Variants in NRXN3 observed in about 807,000 individuals in gnomAD.
NRXN3 encodes neurexin 3, also known as neurexin III.
A neutral mutation model predicts 137.6 loss-of-function variants in NRXN3; 32 were observed. That is an observed-to-expected ratio of 0.23 (90% confidence interval 0.18 to 0.31). The LOEUF (loss-of-function observed/expected upper bound fraction) is 0.31. Ranked by LOEUF, NRXN3 falls within the 10% of genes least tolerant of loss-of-function variation. NRXN3 has a pLI of 1.00. For missense variants in NRXN3, 1,574 were observed against 2,062.5 expected (o/e 0.76, Z 4.59); for synonymous variants, 798 against 784.5 (o/e 1.02, Z -0.29).
At chr14:78,282,113 A>T in intron 3 of NRXN3, 1 of 500,318 alleles carries the variant, frequency 2.0e-6, no homozygotes, top group Non-Finnish European at 4.0e-6. Flanking sequence ...ATCCAAGGCC[A>T]TGTTACCCAT....
At chr14:78,943,680 C>G (rs774712144) in intron 10 of NRXN3, among the ~76,000 whole-genome samples, 1 of 70,168 alleles carries the variant, frequency 1.4e-5, no homozygotes, top group African/African-American at 4.7e-5. Context: ...ATATATATAT[C>G]TCAAAGAATC....
At chr14:78,845,622 G>A (rs2099024427) in intron 10 of NRXN3, among the ~76,000 whole-genome samples, 3 of 151,964 alleles carry the variant, frequency 2.0e-5, no homozygotes, top group Admixed American at 2.0e-4. Context: ...TAAAGTTGAT[G>A]TGTAGGTGAC....
At chr14:79,300,121 T>A (rs1486048037) in intron 15 of NRXN3, among the ~76,000 whole-genome samples, 2 of 152,050 alleles carry the variant, frequency 1.3e-5, no homozygotes, top group Non-Finnish European at 2.9e-5. Flanking sequence ...TTACATGTGT[T>A]GTCTCATATG....
intron 15 of NRXN3, among the ~76,000 whole-genome samples, chr14:79,043,440 G>C (rs1199003107): frequency 1.3e-5 from 2 of 152,192 alleles, no homozygotes; most frequent in Non-Finnish European, 2.9e-5. Flanking sequence ...GAAGCAGTTT[G>C]CACTCTGCCT....
chr14:79,249,966 T>A (rs2075711724), intron 15 of NRXN3, among the ~76,000 whole-genome samples: 1 of 152,226 alleles, frequency 6.6e-6, no homozygotes, highest in African/African-American at 2.4e-5. Flanking sequence ...TGCTAACATA[T>A]CTGGTTATTA....
At chr14:78,309,319 T>G (rs1028372358) in intron 4 of NRXN3, among the ~76,000 whole-genome samples, 1 of 151,784 alleles carries the variant, frequency 6.6e-6, no homozygotes, top group Non-Finnish European at 1.5e-5. Flanking sequence ...TTTCTTTAGG[T>G]TTGGGATATA....
At chr14:79,786,899 A>G (rs539493370) in intron 19 of NRXN3, among the ~76,000 whole-genome samples, 2 of 152,222 alleles carry the variant, frequency 1.3e-5, no homozygotes, top group Non-Finnish European at 2.9e-5. Context: ...CTTTACATAA[A>G]GAATTCCACT....
chr14:78,320,134 C>G (rs1346367950), intron 4 of NRXN3, among the ~76,000 whole-genome samples: 1 of 152,160 alleles, frequency 6.6e-6, no homozygotes, highest in Admixed American at 6.5e-5. Context: ...GTAAGTAGAG[C>G]TAGTTATTCA....
chr14:79,059,250 CTTTTTTTTTTT>C (rs869266975), intron 15 of NRXN3, among the ~76,000 whole-genome samples: 1 of 78,320 alleles, frequency 1.3e-5, no homozygotes, highest in Non-Finnish European at 2.5e-5. Context: ...AGGCCCTATT[CTTTTTTTTTTT>C]TTTTTTTTTT....
At chr14:78,411,013 A>G (rs1156799785) in intron 4 of NRXN3, among the ~76,000 whole-genome samples, 1 of 152,186 alleles carries the variant, frequency 6.6e-6, no homozygotes, top group South Asian at 2.1e-4. Context: ...TCTAGATTTC[A>G]TAATCTGTAA....
chr14:78,776,955 A>T (rs1019754384), intron 8 of NRXN3, among the ~76,000 whole-genome samples: 1 of 152,174 alleles, frequency 6.6e-6, no homozygotes, highest in Non-Finnish European at 1.5e-5. Flanking sequence ...GATGATGCTG[A>T]TGTTGCTGGT....
chr14:78,647,598 G>A (rs566290051), intron 5 of NRXN3, among the ~76,000 whole-genome samples: 30 of 152,328 alleles, frequency 2.0e-4, no homozygotes, highest in African/African-American at 7.2e-4. Context: ...GGATACAGAG[G>A]CCCTACAGTA....
At chr14:79,039,741 C>T (rs1050681000) in intron 15 of NRXN3, among the ~76,000 whole-genome samples, 3 of 151,946 alleles carry the variant, frequency 2.0e-5, no homozygotes, top group African/African-American at 4.8e-5. Context: ...GGCTAGAGTG[C>T]GGTGGTGCAG....
At chr14:79,218,595 T>C (rs1438818358) in intron 15 of NRXN3, among the ~76,000 whole-genome samples, 1 of 152,028 alleles carries the variant, frequency 6.6e-6, no homozygotes, top group African/African-American at 2.4e-5. Flanking sequence ...AGCAAAAAAG[T>C]GTGAATAGGA....
At chr14:78,931,197 G>T (rs2099320788) in intron 10 of NRXN3, among the ~76,000 whole-genome samples, 1 of 151,974 alleles carries the variant, frequency 6.6e-6, no homozygotes, top group Non-Finnish European at 1.5e-5. Flanking sequence ...TAATTTAACA[G>T]ATTATTTGGA....
intron 16 of NRXN3, among the ~76,000 whole-genome samples, chr14:79,553,436 A>C (rs2097396042): frequency 6.6e-6 from 1 of 152,164 alleles, no homozygotes; most frequent in South Asian, 2.1e-4. Context: ...AATTACACCC[A>C]GGTCTGATTT....
intron 15 of NRXN3, among the ~76,000 whole-genome samples, chr14:79,031,089 C>T (rs1313674230): frequency 1.3e-5 from 2 of 152,096 alleles, no homozygotes; most frequent in African/African-American, 2.4e-5. Flanking sequence ...CTATCAAGAT[C>T]TCTTTCTATA....
intron 10 of NRXN3, among the ~76,000 whole-genome samples, chr14:78,872,410 G>C (rs1246811667): frequency 1.3e-5 from 2 of 150,950 alleles, no homozygotes; most frequent in South Asian, 2.1e-4. Flanking sequence ...TCATATTAAT[G>C]ATGAGGCTTT....
At chr14:79,054,560 C>G (rs940731137) in intron 15 of NRXN3, among the ~76,000 whole-genome samples, 1 of 152,180 alleles carries the variant, frequency 6.6e-6, no homozygotes, top group East Asian at 1.9e-4. Flanking sequence ...AGTCCTACTC[C>G]AGCAGGTTTC....
Sources: gnomAD v4.1 joint callset for allele counts (sites outside exome capture counted in the v4.1 genomes callset) on GRCh38, gnomAD v4.1.1 for gene constraint, MANE v1.5 for transcripts, NCBI Gene and HGNC (gene_info 2026-07-23, HGNC 2026-07-21) for gene names.